The following TRIM66 variants were observed in gnomAD, a reference collection of about 807,000 sequenced individuals.
TRIM66 encodes the protein tripartite motif-containing protein 66.
A neutral mutation model predicts 148.2 loss-of-function variants in TRIM66; 99 were observed. That is an observed-to-expected ratio of 0.67 (90% CI 0.57 to 0.79). The LOEUF (loss-of-function observed/expected upper bound fraction) is 0.79. Ranked by LOEUF, TRIM66 falls within the 30% of genes least tolerant of loss-of-function variation. The pLI is 0.00. For missense variants in TRIM66, 1,666 were observed against 1,697.9 expected, an observed-to-expected ratio of 0.98 and a Z score of 0.33; for synonymous variants, 616 against 635.9, an observed-to-expected ratio of 0.97 and a Z score of 0.47.
chr11:8,669,547 G>A (rs116112207), intron 6 of TRIM66, among the ~76,000 whole-genome samples: 2,370 of 151,838 alleles, frequency 0.016, 68 homozygotes, highest in African/African-American at 0.054. Flanking sequence ...GGAGGTTGAC[G>A]CAGGAGAATC....
In TRIM66 at chr11:8,617,803, C is replaced by A; in HGVS notation, c.*141G>T. The stretch of plus-strand genomic sequence containing the variant: ...GGCTCCCAAATAAATGCTGTAGATG[C>A]AAATGGCAAAGAAGAGCACTACACA... On this transcript the variant is annotated 3_prime_UTR_variant, in exon 25 of 25. Transcript: ENST00000646038. 1 of 752,712 alleles carries A rather than the reference C, an allele frequency of 1.3e-6. No individual in the cohort carries two copies. Among genetic ancestry groups the A allele is most frequent in the Non-Finnish European group, 2.2e-6 (1 of 450,690 alleles). The allele number at this position is 752,712 out of a possible 1,614,324, so 46.6% of individuals were successfully genotyped here.
chr11:8,663,277 C>T (rs891855701), intron 6 of TRIM66: 2 of 152,178 alleles, frequency 1.3e-5, no homozygotes, highest in African/African-American at 4.8e-5. Context: ...TGCACTTGAT[C>T]CAGCAATTCA....
chr11:8,683,027 C>A, upstream of TRIM66: 1 of 835,416 alleles, frequency 1.2e-6, no homozygotes, highest in Non-Finnish European at 1.9e-6. Context: ...ACACGCGGGC[C>A]CCTGCGCTAC....
intron 21 of TRIM66, 47 bp downstream of exon 21, chr11:8,620,399 G>C (rs1369520379): frequency 9.7e-6 from 15 of 1,549,084 alleles, no homozygotes; most frequent in Non-Finnish European, 1.3e-5. Context: ...TAGGCAGAAG[G>C]GGGCTGCCAA....
intron 6 of TRIM66, among the ~76,000 whole-genome samples, chr11:8,657,647 G>A (rs1348606906): frequency 6.6e-6 from 1 of 152,074 alleles, no homozygotes; most frequent in African/African-American, 2.4e-5. Flanking sequence ...CTGGCAGGCT[G>A]GACATCCTCA....
At chr11:8,653,347 G>A (rs905226903) in intron 6 of TRIM66, among the ~76,000 whole-genome samples, 1 of 152,212 alleles carries the variant, frequency 6.6e-6, no homozygotes, top group African/African-American at 2.4e-5. Context: ...AAAGTGACAA[G>A]TTTTCCAAGC....
intron 20 of TRIM66, 39 bp downstream of exon 20, chr11:8,620,993 C>A: frequency 3.3e-6 from 5 of 1,536,034 alleles, no homozygotes; most frequent in Non-Finnish European, 4.4e-6. Flanking sequence ...GAAGGTAACC[C>A]TACTAGCCAG....
Position 8,645,811 on chromosome 11 carries a change from T to C in TRIM66, c.1034A>G (p.His345Arg), listed in dbSNP as rs773907357. 8.4e-5 allele frequency: 131 copies of C among 1,551,644 alleles called. 1 individual carries two copies. The highest frequency in any genetic ancestry group is 1.1e-4 in the Non-Finnish European group (124 of 1,147,004). Residue 345 changes from histidine to arginine, a missense_variant, in exon 12 of 25, where the codon CAT (histidine) becomes CGT (arginine). His to Arg is a conservative substitution (Grantham distance 29). Transcript: ENST00000646038. ...AGCCCAGTTGATGAAATTCTGCACA[T>C]GCTCAAACTGACGGTTGAGAACCAT... ...SIMVLNRQFE[H>R]VQNFINWAVC...
chr11:8,638,700 G>A lies in TRIM66; in HGVS notation c.2264C>T (p.Pro755Leu). Residue 755 changes from proline to leucine, a missense_variant, in exon 15 of 25, where the codon CCA becomes CTA. Pro to Leu is a moderately conservative substitution (Grantham distance 98). Coordinates refer to ENST00000646038, the MANE Select transcript of TRIM66 (RefSeq NM_001388022.1). Reference sequence around the variant, plus strand: ...GGAGTGCTGGATGGTGCTGTCCACTGGGGGGACACTGAGAGGGGTTTCTTC... The same window carrying A: ...GGAGTGCTGGATGGTGCTGTCCACTAGGGGGACACTGAGAGGGGTTTCTTC... ...SGEETPLSVP[P>L]VDSTIQHSSP... 1.9e-6 allele frequency: 3 copies of A among 1,548,980 alleles called. No individual in the cohort carries two copies. Among genetic ancestry groups the A allele is most frequent in the Non-Finnish European group, 1.7e-6 (2 of 1,145,928 alleles).
chr11:8,647,083 AATAAACATATAATATAATGTTTATT>A (rs1211909500), intron 10 of TRIM66, among the ~76,000 whole-genome samples: 3 of 93,776 alleles, frequency 3.2e-5, no homozygotes, highest in African/African-American at 7.0e-5. Flanking sequence ...TATAATAAAC[AATAAACATATAATATAATGTTTATT>A]ATAAACATAT....
chr11:8,618,070 A>G, intron 24 of TRIM66, 67 bp from the exon 25 acceptor site: 4 of 1,451,852 alleles, frequency 2.8e-6, no homozygotes, highest in African/African-American at 2.8e-5. Flanking sequence ...TGAAAAGGCT[A>G]TGTCAAGATT....
chr11:8,646,460 A>G lies in TRIM66; in HGVS notation c.944T>C (p.Ile315Thr), dbSNP rs2036855029. ...GTCTATACATACCTCTAATTCCTCT[A>G]TTAGCCCATTGGCCTGTTTGTTCAG... is the stretch of plus-strand genomic sequence containing the variant. ...NELNKQANGL[I>T]EELEGITNER... Residue 315 changes from isoleucine to threonine, a missense_variant, in exon 11 of 25, where the codon ATA becomes ACA. Ile to Thr is a moderately conservative substitution (Grantham distance 89). Coordinates refer to ENST00000646038, the MANE Select transcript of TRIM66 (RefSeq NM_001388022.1). 6.4e-7 allele frequency: 1 copy of G among 1,552,198 alleles called. No homozygotes were observed. The highest frequency in any genetic ancestry group is 8.7e-7 in the Non-Finnish European group (1 of 1,147,070).
intron 15 of TRIM66, among the ~76,000 whole-genome samples, chr11:8,627,346 G>A (rs1249393825): frequency 6.6e-6 from 1 of 152,156 alleles, no homozygotes; most frequent in Non-Finnish European, 1.5e-5. Flanking sequence ...CTTAGTCTAT[G>A]AGTCTCTCTA....
chr11:8,642,630 T>C (rs1242196114), intron 13 of TRIM66, among the ~76,000 whole-genome samples: 6 of 151,998 alleles, frequency 3.9e-5, no homozygotes, highest in Non-Finnish European at 7.4e-5. Flanking sequence ...TGCCCACACG[T>C]GTATACCTTT....
intron 17 of TRIM66, 23 bp from the exon 18 acceptor site, chr11:8,622,899 A>T (rs1413784627): frequency 1.3e-6 from 2 of 1,548,168 alleles, no homozygotes; most frequent in African/African-American, 2.7e-5. Context: ...ACAAACAAAT[A>T]CCTGTGACAC....
chr11:8,665,098 G>A (rs146754521), intron 6 of TRIM66, among the ~76,000 whole-genome samples: 22 of 151,800 alleles, frequency 1.4e-4, no homozygotes, highest in African/African-American at 2.4e-4. Context: ...TCCCTCTACC[G>A]GCTCCCACAT....
intron 8 of TRIM66, among the ~76,000 whole-genome samples, chr11:8,649,208 G>A (rs984196421): frequency 4.6e-5 from 7 of 152,080 alleles, no homozygotes; most frequent in African/African-American, 1.2e-4. Context: ...GCGCGGTGGC[G>A]CATGCCTGTA....
At chr11:8,678,472 A>G (rs989371557) in intron 3 of TRIM66, among the ~76,000 whole-genome samples, 5 of 152,236 alleles carry the variant, frequency 3.3e-5, no homozygotes, top group Non-Finnish European at 1.5e-5. Context: ...AAGGGTTGAA[A>G]GGTAATACTC....
chr11:8,619,719 G>A (rs528121603), intron 22 of TRIM66, among the ~76,000 whole-genome samples, 184 bp from the exon 23 acceptor site: 33 of 152,374 alleles, frequency 2.2e-4, no homozygotes, highest in African/African-American at 7.7e-4. Context: ...GGGAAAAGGA[G>A]GAATGTGTCA....
Sources: allele counts gnomAD v4.1 joint callset (sites outside exome capture counted in the v4.1 genomes callset), GRCh38; gene constraint gnomAD v4.1.1; transcripts MANE v1.5; gene names NCBI Gene and HGNC (gene_info 2026-07-23, HGNC 2026-07-21).